THUMPD3: variants seen among roughly 807,000 people sequenced by gnomAD.
THUMPD3 encodes the protein THUMP domain 3 tRNA guanosine methyltransferase.
THUMPD3 carries 44 observed loss-of-function variants against 54.5 expected under a neutral mutation model. The observed-to-expected ratio is 0.81, with a 90% CI of 0.63 to 1.04. The LOEUF (loss-of-function observed/expected upper bound fraction) is 1.04. Among genes scored for constraint, THUMPD3 ranks in the 50% least tolerant of loss-of-function variants. The probability of loss-of-function intolerance (pLI) is 0.00; values close to 1 mark genes in which losing one functional copy is unlikely to be tolerated. For synonymous variants in THUMPD3, 196 were observed against 201.4 expected, an observed-to-expected ratio of 0.97 and a Z score of 0.23; for missense variants, 604 against 601.3, an observed-to-expected ratio of 1.00 and a Z score of -0.05.
chr3:9,383,033 A>G (rs2033041006), intron 7 of THUMPD3, 166 bp from the exon 8 acceptor site: 2 of 512,852 alleles, frequency 3.9e-6, no homozygotes, highest in African/African-American at 1.9e-5. Flanking sequence ...AGCCTGACCT[A>G]TTTTTTACCT....
Position 9,385,015 on chromosome 3 carries a change from C to A in THUMPD3, c.*327C>A. 4.2e-6 allele frequency: 1 copy of A among 237,278 alleles called. No individual in the cohort carries two copies. The highest frequency in any genetic ancestry group is 8.5e-6 in the Non-Finnish European group (1 of 117,336). The allele number at this position is 237,278 out of a possible 1,614,324, so 14.7% of individuals were successfully genotyped here. ...ATTAGCCAGGTGTGGTGGCGGGCGC[C>A]TGTAATCCCAACTACTCAGGAGGCT... is the stretch of plus-strand genomic sequence containing the variant. On this transcript the variant is annotated 3_prime_UTR_variant, in exon 10 of 10. Coordinates refer to ENST00000452837, the MANE Select transcript of THUMPD3 (RefSeq NM_001114092.2).
chr3:9,384,674 CA>C lies in THUMPD3; in HGVS notation c.1512del (p.Gln504HisfsTer8), dbSNP rs566833900. 3.3e-4 allele frequency: 527 copies of C among 1,614,078 alleles called. 6 individuals are homozygous for C. In the East Asian group the frequency reaches 0.012, roughly 36 times the overall value. ...EQDGERGTLW[Q>X]CKE ...AGACGGAGAAAGAGGAACTCTTTGGCAATGCAAAGAATGAAGATGACTAATA... is the reference window on the plus strand; with the variant it reads ...AGACGGAGAAAGAGGAACTCTTTGGCATGCAAAGAATGAAGATGACTAATA... On this transcript the variant is annotated frameshift_variant, in exon 10 of 10. Transcript: ENST00000452837. LOFTEE classifies it high-confidence loss of function.
At chr3:9,368,256 A>T (rs2031728458) in intron 3 of THUMPD3, among the ~76,000 whole-genome samples, 1 of 151,744 alleles carries the variant, frequency 6.6e-6, no homozygotes, top group Non-Finnish European at 1.5e-5. Context: ...CTGGTCTCAA[A>T]CTTCTGGGCT....
At position 9,374,817 on chromosome 3, in the gene THUMPD3, C is replaced by T. The variant is rs192460304; in HGVS notation, c.938+171C>T. ...TTCTTTCCCTTCTATCCAATATTGACTCCTTGTGATCTGAAAATACTGCTT... is the reference window on the plus strand; with the variant it reads ...TTCTTTCCCTTCTATCCAATATTGATTCCTTGTGATCTGAAAATACTGCTT... On this transcript the variant is annotated intron_variant, in intron 5 of 9. Transcript: ENST00000452837. Among the ~76,000 whole-genome samples, 218 of 152,208 alleles carry T rather than the reference C, an allele frequency of 1.4e-3. 1 individual carries two copies. Among genetic ancestry groups the T allele is most frequent in the African/African-American group, 4.7e-3 (196 of 41,528 alleles).
chr3:9,368,882 G>A (rs2125312255), intron 3 of THUMPD3, among the ~76,000 whole-genome samples: 1 of 152,230 alleles, frequency 6.6e-6, no homozygotes, highest in South Asian at 2.1e-4. Context: ...ACGAATAAAT[G>A]TATTTTATTT....
At chr3:9,381,569 T>G (rs1459277328) in intron 7 of THUMPD3, among the ~76,000 whole-genome samples, 2 of 151,870 alleles carry the variant, frequency 1.3e-5, no homozygotes, top group African/African-American at 4.8e-5. Flanking sequence ...TCTTAAATAC[T>G]GATTTATTGT....
intron 4 of THUMPD3, 75 bp downstream of exon 4, chr3:9,371,611 T>C: frequency 8.2e-7 from 1 of 1,226,038 alleles, no homozygotes; most frequent in East Asian, 2.3e-5. Context: ...TAACCCAATG[T>C]TATGCACAAT....
chr3:9,380,470 A>G, intron 6 of THUMPD3, 33 bp from the exon 7 acceptor site: 1 of 1,402,832 alleles, frequency 7.1e-7, no homozygotes, highest in Non-Finnish European at 1.0e-6. Context: ...ACAGTTTGCT[A>G]CTTTTGTTTT....
At chr3:9,381,635 C>T (rs143288554) in intron 7 of THUMPD3, among the ~76,000 whole-genome samples, 19 of 138,706 alleles carry the variant, frequency 1.4e-4, no homozygotes, top group Non-Finnish European at 2.6e-4. Flanking sequence ...TTTTAATGAG[C>T]CTAGTATATG....
In THUMPD3 at chr3:9,374,505, C is replaced by A; in HGVS notation, c.808-11C>A. ...CCTAAAACTATTTTGTCTTGTTCCACTTTGCTATAGGTTCTTTTGAACATC... is the reference window on the plus strand; with the variant it reads ...CCTAAAACTATTTTGTCTTGTTCCAATTTGCTATAGGTTCTTTTGAACATC... On this transcript the variant is annotated splice_polypyrimidine_tract_variant and intron_variant, in intron 4 of 9. Coordinates refer to ENST00000452837, the MANE Select transcript of THUMPD3 (RefSeq NM_001114092.2). 1 of 1,612,082 alleles carries A rather than the reference C, an allele frequency of 6.2e-7. No homozygotes were observed. The highest frequency in any genetic ancestry group is 1.1e-5 in the South Asian group (1 of 90,888).
intron 6 of THUMPD3, among the ~76,000 whole-genome samples, chr3:9,380,003 T>C (rs370338638): frequency 3.9e-5 from 6 of 152,340 alleles, no homozygotes; most frequent in Admixed American, 2.0e-4. Flanking sequence ...AATAGCATTT[T>C]ATTTTGCAAT....
At chr3:9,377,671 G>A (rs923064473) in intron 5 of THUMPD3, 148 bp from the exon 6 acceptor site, 9 of 575,080 alleles carry the variant, frequency 1.6e-5, no homozygotes, top group African/African-American at 3.8e-5. Flanking sequence ...CACCGTGCGC[G>A]GCCACAAATT....
Position 9,377,705 on chromosome 3 carries a change from G to A in THUMPD3, c.939-114G>A, listed in dbSNP as rs540866273. 26 of 713,556 alleles carry A rather than the reference G, an allele frequency of 3.6e-5. No individual in the cohort carries two copies. In the South Asian group the frequency reaches 4.8e-4, roughly 13 times the overall value. 44.2% of individuals were successfully genotyped at this position (713,556 alleles called of 1,614,324 possible). On this transcript the variant is annotated intron_variant, in intron 5 of 9. Transcript: ENST00000452837. The stretch of plus-strand genomic sequence containing the variant: ...TTGATTTCTAAAATATGTGTAGATT[G>A]GTGTTCCTTCGGGCTAGTGTGGTAG...
At chr3:9,368,130 G>A (rs2031713076) in intron 3 of THUMPD3, among the ~76,000 whole-genome samples, 1 of 152,008 alleles carries the variant, frequency 6.6e-6, no homozygotes, top group Admixed American at 6.5e-5. Flanking sequence ...TTTTAGAAAA[G>A]CTTAAAGCAA....
At position 9,371,550 on chromosome 3, in the gene THUMPD3, C is replaced by A; in HGVS notation, c.807+14C>A. On this transcript the variant is annotated intron_variant, in intron 4 of 9. Coordinates refer to ENST00000452837, the MANE Select transcript of THUMPD3 (RefSeq NM_001114092.2). ...TTTGATGTGGAGGTAGGTATAGGCT[C>A]TGACTGTGGTGATTGAAGAATGCTG... is the stretch of plus-strand genomic sequence containing the variant. 6.3e-7 allele frequency: 1 copy of A among 1,578,254 alleles called. No individual in the cohort carries two copies. Among genetic ancestry groups the A allele is most frequent in the South Asian group, 1.1e-5 (1 of 87,212 alleles).
intron 3 of THUMPD3, among the ~76,000 whole-genome samples, chr3:9,369,246 G>A (rs2031818826): frequency 7.8e-6 from 1 of 127,456 alleles, no homozygotes; most frequent in African/African-American, 3.0e-5. Context: ...GGAGGCAGAA[G>A]TTGCAGTGAG....
intron 7 of THUMPD3, among the ~76,000 whole-genome samples, chr3:9,382,381 C>G (rs114945081): frequency 8.5e-4 from 129 of 152,020 alleles, no homozygotes; most frequent in African/African-American, 2.9e-3. Flanking sequence ...TATTATTATT[C>G]ATTCTGTCTT....
Position 9,374,625 on chromosome 3 carries a change from C to T in THUMPD3, c.917C>T (p.Thr306Ile). 6.2e-7 allele frequency: 1 copy of T among 1,613,980 alleles called. No individual in the cohort carries two copies. The highest frequency in any genetic ancestry group is 8.5e-7 in the Non-Finnish European group (1 of 1,179,926). ...THFGPTTLRS[T>I]LAYGMLRLCD... ...TTTGGACCTACAACTCTTAGATCAACTCTTGCCTATGGGATGCTCAGGTAA... is the reference window on the plus strand; with the variant it reads ...TTTGGACCTACAACTCTTAGATCAATTCTTGCCTATGGGATGCTCAGGTAA... The change falls in exon 5 of 10, where the codon ACT becomes ATT. Residue 306 changes from threonine to isoleucine, a missense_variant. Thr to Ile is a moderately conservative substitution (Grantham distance 89, BLOSUM62 -1). Transcript: ENST00000452837.
rs1057447659 is a variant in THUMPD3, at chr3:9,384,751, G to C, written c.*63G>C. The C allele has an allele frequency of 1.3e-5, 21 of 1,587,090 alleles. 1 individual carries two copies. The South Asian group carries it at 2.4e-4, about 18-fold the overall frequency. On this transcript the variant is annotated 3_prime_UTR_variant, in exon 10 of 10. Coordinates refer to ENST00000452837, the MANE Select transcript of THUMPD3 (RefSeq NM_001114092.2). ...ATGTTAGCATAAAAGAACTTGGAGA[G>C]GAAAAAAGTATTAACAAAACTGCAG...
Sources: gnomAD v4.1 joint callset for allele counts (sites outside exome capture counted in the v4.1 genomes callset) on GRCh38, gnomAD v4.1.1 for gene constraint, MANE v1.5 for transcripts, NCBI Gene and HGNC (gene_info 2026-07-23, HGNC 2026-07-21) for gene names.